UTP20: variants seen among roughly 807,000 people sequenced by gnomAD.
UTP20 encodes the protein UTP20 small subunit processome component.
A neutral mutation model predicts 329.5 loss-of-function variants in UTP20; 164 were observed. The observed-to-expected ratio is 0.50, with a 90% CI of 0.44 to 0.57. UTP20 has a LOEUF of 0.57. Among genes scored for constraint, UTP20 ranks in the 20% least tolerant of loss-of-function variants. UTP20 has a pLI of 0.00. For missense variants in UTP20, 3,055 were observed against 3,284.2 expected (o/e 0.93, Z 1.71); for synonymous variants, 1,151 against 1,159.3 (o/e 0.99, Z 0.14).
rs1464652772 is a variant in UTP20 at position 101,371,051 on chromosome 12, A to G, written c.6688-7A>G. ...AAATGAGTATGTCTTTTCCTTTTGT[A>G]TCTTAGGCAATTTTATCAAGAAAGC... On this transcript the variant is annotated splice_region_variant and splice_polypyrimidine_tract_variant and intron_variant, in intron 50 of 61. Transcript: ENST00000261637. 1 of 1,613,174 alleles carries G rather than the reference A, an allele frequency of 6.2e-7. No homozygotes were observed.
In UTP20 at chr12:101,289,058, A is replaced by T. The variant is rs1872049975; in HGVS notation, c.597+17A>T. The T allele has an allele frequency of 1.9e-6, 3 of 1,597,002 alleles. No homozygotes were observed. Among genetic ancestry groups the T allele is most frequent in the African/African-American group, 2.7e-5 (2 of 74,506 alleles). On this transcript the variant is annotated intron_variant, in intron 6 of 61. Coordinates refer to ENST00000261637, the MANE Select transcript of UTP20 (RefSeq NM_014503.3). ...ATGAGAAAGGTTAGTCTGGTATTTTATCTGTTTGTTGCTAATCATCAAGAA... is the reference window on the plus strand; with the variant it reads ...ATGAGAAAGGTTAGTCTGGTATTTTTTCTGTTTGTTGCTAATCATCAAGAA...
At position 101,373,688 on chromosome 12, in the gene UTP20, A is replaced by G. The variant is rs1870376086; in HGVS notation, c.7052A>G (p.Lys2351Arg). Residue 2351 changes from lysine to arginine, a missense_variant, in exon 54 of 62, where the codon AAG becomes AGG. Transcript: ENST00000261637. ...TCKKMASMTI[K>R]SLLGKISLEK... ...AAAAAGATGGCATCCATGACAATCAAGTCCCTACTTGGTAAAATCAGCCTC... is the reference window on the plus strand; with the variant it reads ...AAAAAGATGGCATCCATGACAATCAGGTCCCTACTTGGTAAAATCAGCCTC... 3 of 1,613,072 alleles carry G rather than the reference A, an allele frequency of 1.9e-6. 1 individual carries two copies. The highest frequency in any genetic ancestry group is 1.7e-4 in the Middle Eastern group (1 of 6,060).
chr12:101,283,025 C>T (rs1159938616), intron 2 of UTP20, among the ~76,000 whole-genome samples: 2 of 152,168 alleles, frequency 1.3e-5, no homozygotes, highest in Non-Finnish European at 2.9e-5. Context: ...ATAATTAGTT[C>T]CATTTGGGGC....
chr12:101,383,640 G>A lies in UTP20; in HGVS notation c.8027G>A (p.Arg2676Gln), dbSNP rs750799541. The stretch of plus-strand genomic sequence containing the variant: ...CCAATGATCATAGCTCCTTTGTTTC[G>A]GGAACTCAACAGCACCTATTCAGAG... ...YLPMIIAPLFRELNSTYSEQD... is the reference protein window; with the variant it reads ...YLPMIIAPLFQELNSTYSEQD... Residue 2676 changes from arginine (R) to glutamine (Q), a missense_variant, in exon 60 of 62, where the codon CGG becomes CAG. Physicochemically the swap from Arg to Gln is conservative, Grantham distance 43. Transcript: ENST00000261637. 96 of 1,613,152 alleles carry A rather than the reference G, an allele frequency of 6.0e-5. No individual in the cohort carries two copies. Among genetic ancestry groups the A allele is most frequent in the Non-Finnish European group, 7.6e-5 (90 of 1,179,652 alleles).
rs537785440 is a variant in UTP20, at chr12:101,352,175, A to C, written c.5005A>C (p.Asn1669His). 32 of 1,607,374 alleles carry C rather than the reference A, an allele frequency of 2.0e-5. No homozygotes were observed. The East Asian group carries it at 6.5e-4, about 32-fold the overall frequency. The change falls in exon 39 of 62, where the codon AAT becomes CAT. Residue 1669 changes from asparagine to histidine, a missense_variant. This residue lies in a region of UTP20 where 2,445 missense variants were observed against 2,575.5 expected (regional missense o/e 0.95). Coordinates refer to ENST00000261637, the MANE Select transcript of UTP20 (RefSeq NM_014503.3). Reference sequence around the variant, plus strand: ...TCATGTCTTACAAACGGGACAGATCAATCAAAAACTGGGTGTCAGGTGTGG... The same window carrying C: ...TCATGTCTTACAAACGGGACAGATCCATCAAAAACTGGGTGTCAGGTGTGG... ...FIHVLQTGQI[N>H]QKLGVSLLVI...
chr12:101,351,142 T>C (rs1328599697), intron 38 of UTP20, among the ~76,000 whole-genome samples: 2 of 152,064 alleles, frequency 1.3e-5, no homozygotes, highest in South Asian at 2.1e-4. Context: ...TTTTTTTTTT[T>C]CCAAGACGCA....
At position 101,305,654 on chromosome 12, in the gene UTP20, G is replaced by A. The variant is rs1004465763; in HGVS notation, c.1782-261G>A. 6.7e-5 allele frequency among the ~76,000 whole-genome samples: 10 copies of A among 149,730 alleles called. No homozygotes were observed. The East Asian group carries it at 9.8e-4, about 15-fold the overall frequency. On this transcript the variant is annotated intron_variant, in intron 15 of 61. Transcript: ENST00000261637. ...AAGTGGCTGTCATTTACAACTATGT[G>A]GATTGAAGAGGCAACATTGGAGTCT...
chr12:101,386,188 G>A lies in UTP20; in HGVS notation c.*65G>A, dbSNP rs1870826259. The A allele has an allele frequency of 1.3e-6, 2 of 1,489,056 alleles. No individual in the cohort carries two copies. The highest frequency in any genetic ancestry group is 2.6e-5 in the South Asian group (2 of 78,336). The allele number at this position is 1,489,056 out of a possible 1,614,324, so 92.2% of individuals were successfully genotyped here. On this transcript the variant is annotated 3_prime_UTR_variant, in exon 62 of 62. Transcript: ENST00000261637. Reference sequence around the variant, plus strand: ...ATTCTGCTAGTCTGAAATTACAGTAGGTTGTCTGGGGTAGGGGGGAGGCGT... The same window carrying A: ...ATTCTGCTAGTCTGAAATTACAGTAAGTTGTCTGGGGTAGGGGGGAGGCGT...
intron 51 of UTP20, among the ~76,000 whole-genome samples, chr12:101,371,872 T>G (rs746281212): frequency 6.6e-6 from 1 of 152,092 alleles, no homozygotes; most frequent in Non-Finnish European, 1.5e-5. Flanking sequence ...TTTAAATCCT[T>G]AGGGAGAGGA....
Position 101,329,371 on chromosome 12 carries a change from C to T in UTP20, c.3339C>T (p.Ser1113=), listed in dbSNP as rs144955025. The part of the protein sequence containing the change: ...IVLKNISHLI[S]AYLPKILQIL... Reference sequence around the variant, plus strand: ...TGAAAAACATTAGTCATCTGATCAGCGCATACCTGCCGAAGATTTTGCAGA... The same window carrying T: ...TGAAAAACATTAGTCATCTGATCAGTGCATACCTGCCGAAGATTTTGCAGA... Residue 1113 remains serine (S), a synonymous_variant, in exon 27 of 62, where the codon AGC becomes AGT. Transcript: ENST00000261637. 3.2e-5 allele frequency: 51 copies of T among 1,613,886 alleles called. No individual in the cohort carries two copies. In the African/African-American group the frequency reaches 4.7e-4, roughly 15 times the overall value.
At chr12:101,347,354 G>A (rs981043476) in intron 38 of UTP20, among the ~76,000 whole-genome samples, 4 of 152,016 alleles carry the variant, frequency 2.6e-5, no homozygotes, top group Non-Finnish European at 5.9e-5. Flanking sequence ...AAAAACCCAT[G>A]TGCACCAAAG....
intron 21 of UTP20, among the ~76,000 whole-genome samples, chr12:101,316,213 A>G (rs554035782): frequency 1.9e-4 from 29 of 152,364 alleles, no homozygotes; most frequent in African/African-American, 6.5e-4. Flanking sequence ...CAAACCAGGA[A>G]CAAGAACGAA....
At chr12:101,385,533 A>G (rs749106254) in intron 60 of UTP20, 50 bp from the exon 61 acceptor site, 1 of 1,571,684 alleles carries the variant, frequency 6.4e-7, no homozygotes, top group Non-Finnish European at 8.6e-7. Flanking sequence ...TGATGTTCAA[A>G]TGTGTCCTTT....
At chr12:101,361,672 T>A (rs974547114) in intron 43 of UTP20, among the ~76,000 whole-genome samples, 3 of 94,132 alleles carry the variant, frequency 3.2e-5, no homozygotes, top group Admixed American at 1.3e-4. Context: ...AATAAATAAA[T>A]AAATAAAGTT....
intron 57 of UTP20, among the ~76,000 whole-genome samples, chr12:101,380,390 G>T (rs1246181330): frequency 1.4e-5 from 2 of 147,888 alleles, no homozygotes; most frequent in African/African-American, 4.9e-5. Context: ...AAAACAAAAA[G>T]AAAGAAAGAA....
intron 15 of UTP20, among the ~76,000 whole-genome samples, chr12:101,303,468 C>G (rs528208619): frequency 1.3e-5 from 2 of 152,274 alleles, no homozygotes; most frequent in Admixed American, 6.5e-5. Context: ...AGGCGGAAAG[C>G]AGTGAGGGAC....
At chr12:101,354,261 C>CAAAAAAAAA (rs71091489) in intron 40 of UTP20, among the ~76,000 whole-genome samples, 24 of 80,002 alleles carry the variant, frequency 3.0e-4, no homozygotes, top group African/African-American at 7.9e-4. Flanking sequence ...GACTCTGTCT[C>CAAAAAAAAA]AAAAAAAAAA....
chr12:101,352,433 T>C (rs1869561598), intron 39 of UTP20, among the ~76,000 whole-genome samples: 3 of 152,120 alleles, frequency 2.0e-5, no homozygotes, highest in Admixed American at 2.0e-4. Context: ...GATGGCTGGG[T>C]CAAATGGTAT....
chr12:101,339,269 C>T lies in UTP20; in HGVS notation c.4013+312C>T, dbSNP rs565497604. Among the ~76,000 whole-genome samples, 29 of 152,052 alleles carry T rather than the reference C, an allele frequency of 1.9e-4. No homozygotes were observed. In the South Asian group the frequency reaches 5.8e-3, roughly 30 times the overall value. ...CGGAGGTTGCAGTGAGCCGAGATCG[C>T]GCCACTGCACTCCAGCCTGGGCGAC... On this transcript the variant is annotated intron_variant, in intron 31 of 61. Transcript: ENST00000261637.
Sources: allele counts gnomAD v4.1 joint callset (sites outside exome capture counted in the v4.1 genomes callset), GRCh38; gene constraint gnomAD v4.1.1; regional missense constraint gnomAD v4.1.1; transcripts MANE v1.5; gene names NCBI Gene and HGNC (gene_info 2026-07-23, HGNC 2026-07-21).